CCDC170: variants seen among roughly 807,000 people sequenced by gnomAD.
The protein encoded by CCDC170 is coiled-coil domain-containing protein 170.
Under a neutral mutation model 72.6 loss-of-function variants are expected in CCDC170, and 69 were observed. That is an observed-to-expected ratio of 0.95 (90% CI 0.78 to 1.16). The LOEUF (loss-of-function observed/expected upper bound fraction) is 1.16. Among genes scored for constraint, CCDC170 ranks in the 50% most tolerant of loss-of-function variants. CCDC170 has a pLI of 0.00. For synonymous variants in CCDC170, 300 were observed against 303.9 expected, an observed-to-expected ratio of 0.99 and a Z score of 0.13; for missense variants, 852 against 832.5, an observed-to-expected ratio of 1.02 and a Z score of -0.29.
chr6:151,517,984 G>A (rs139312360), intron 1 of CCDC170, among the ~76,000 whole-genome samples: 263 of 150,842 alleles, frequency 1.7e-3, no homozygotes, highest in African/African-American at 6.1e-3. Context: ...AGCTTTGGAT[G>A]GAAATTAAAG....
At chr6:151,495,893 G>A (rs939687969) in intron 1 of CCDC170, among the ~76,000 whole-genome samples, 7 of 152,156 alleles carry the variant, frequency 4.6e-5, no homozygotes, top group Non-Finnish European at 8.8e-5. Context: ...GGGATGTTTA[G>A]CATTGTGACA....
chr6:151,601,518 C>T (rs545043943), intron 9 of CCDC170, among the ~76,000 whole-genome samples: 5 of 150,558 alleles, frequency 3.3e-5, no homozygotes, highest in Admixed American at 6.6e-5. Context: ...AAAAACAGTG[C>T]GTGTGTGTGT....
rs576552747 is a variant in CCDC170, at chr6:151,523,491, G to T, written c.58-12827G>T. The stretch of plus-strand genomic sequence containing the variant: ...ACTTGAGGCCAGGAGTTTGAGACCA[G>T]TCTGGCCAATATGGTGAAACCCCGT... On this transcript the variant is annotated intron_variant, in intron 1 of 10. Coordinates refer to ENST00000239374, the MANE Select transcript of CCDC170 (RefSeq NM_025059.4). Among the ~76,000 whole-genome samples, 3 of 152,166 alleles carry T rather than the reference G, an allele frequency of 2.0e-5. 1 individual carries two copies. The South Asian group carries it at 6.2e-4, about 32-fold the overall frequency.
intron 1 of CCDC170, among the ~76,000 whole-genome samples, chr6:151,526,714 A>T (rs9371531): frequency 0.16 from 23,591 of 151,564 alleles, 2,295 homozygotes; most frequent in East Asian, 0.49. Context: ...TATAATTCCC[A>T]TTTTAGGCCT....
intron 9 of CCDC170, among the ~76,000 whole-genome samples, chr6:151,603,561 A>T (rs1776741964): frequency 6.6e-6 from 1 of 152,232 alleles, no homozygotes; most frequent in South Asian, 2.1e-4. Context: ...AATTTATATC[A>T]TGCTAGGTGC....
chr6:151,562,061 T>C (rs1776041704), intron 5 of CCDC170, among the ~76,000 whole-genome samples: 1 of 152,222 alleles, frequency 6.6e-6, no homozygotes, highest in South Asian at 2.1e-4. Flanking sequence ...TTTTTTTCAA[T>C]TTGAGCAATT....
chr6:151,566,712 A>G (rs1447175609), intron 5 of CCDC170, among the ~76,000 whole-genome samples: 1 of 152,174 alleles, frequency 6.6e-6, no homozygotes, highest in East Asian at 1.9e-4. Flanking sequence ...TATCACTATT[A>G]TACTCATAGC....
At chr6:151,611,788 G>A (rs1028060804) in intron 9 of CCDC170, among the ~76,000 whole-genome samples, 2 of 152,112 alleles carry the variant, frequency 1.3e-5, no homozygotes, top group African/African-American at 4.8e-5. Context: ...TCTGCTCACT[G>A]CAACTTCCAC....
chr6:151,516,803 G>A (rs571288455), intron 1 of CCDC170, among the ~76,000 whole-genome samples: 2 of 152,290 alleles, frequency 1.3e-5, no homozygotes, highest in South Asian at 4.1e-4. Context: ...CTAGTGCGTG[G>A]GGAAGGCTGG....
At chr6:151,573,102 T>G (rs1205744691) in intron 5 of CCDC170, 72 bp from the exon 6 acceptor site, 16 of 1,384,508 alleles carry the variant, frequency 1.2e-5, no homozygotes, top group Non-Finnish European at 1.5e-5. Context: ...GTCAATGAAT[T>G]TGCCATAGCA....
chr6:151,513,217 A>G (rs1782172643), intron 1 of CCDC170, among the ~76,000 whole-genome samples: 3 of 152,238 alleles, frequency 2.0e-5, no homozygotes, highest in Non-Finnish European at 4.4e-5. Context: ...AAATATTAAT[A>G]TTAAATGTAG....
chr6:151,615,288 A>T (rs753827328), intron 9 of CCDC170, among the ~76,000 whole-genome samples, 155 bp from the exon 10 acceptor site: 14 of 152,254 alleles, frequency 9.2e-5, no homozygotes, highest in Non-Finnish European at 1.9e-4. Context: ...TCCAGCACAT[A>T]TGCTTAGCAA....
At chr6:151,507,316 G>GA (rs918964462) in intron 1 of CCDC170, among the ~76,000 whole-genome samples, 7 of 150,192 alleles carry the variant, frequency 4.7e-5, no homozygotes, top group Middle Eastern at 3.4e-3. Flanking sequence ...AATCAGTAGA[G>GA]AAAAAAAAAT....
At chr6:151,547,156 G>T (rs1782789390) in intron 4 of CCDC170, among the ~76,000 whole-genome samples, 1 of 152,094 alleles carries the variant, frequency 6.6e-6, no homozygotes, top group South Asian at 2.1e-4. Flanking sequence ...CATTCGCAAG[G>T]AACCATGCAT....
intron 4 of CCDC170, among the ~76,000 whole-genome samples, chr6:151,545,628 T>G (rs1782759920): frequency 6.6e-6 from 1 of 152,080 alleles, no homozygotes; most frequent in East Asian, 1.9e-4. Flanking sequence ...TTGTTTTTTT[T>G]TTTTGTTTGT....
At chr6:151,617,825 G>T in intron 10 of CCDC170, 122 bp from the exon 11 acceptor site, 1 of 806,182 alleles carries the variant, frequency 1.2e-6, no homozygotes, top group Non-Finnish European at 1.9e-6. Flanking sequence ...GAAGAGAGTA[G>T]ATAATTTCCC....
chr6:151,600,784 G>T (rs1032125919), intron 9 of CCDC170, among the ~76,000 whole-genome samples: 1 of 151,936 alleles, frequency 6.6e-6, no homozygotes, highest in Non-Finnish European at 1.5e-5. Context: ...TAATTGAATG[G>T]TTTTTAGTAT....
Position 151,621,074 on chromosome 6 carries a change from A to G in CCDC170, c.*2927A>G, listed in dbSNP as rs893384683. On this transcript the variant is annotated 3_prime_UTR_variant, in exon 11 of 11. Coordinates refer to ENST00000239374, the MANE Select transcript of CCDC170 (RefSeq NM_025059.4). The stretch of plus-strand genomic sequence containing the variant: ...TTTAGGGACTTCTAATGAAAAGGGT[A>G]TATGAAATGGGAACAATAAATTCTG... 1 of 152,222 alleles carries G rather than the reference A, an allele frequency of 6.6e-6. No individual in the cohort carries two copies. The highest frequency in any genetic ancestry group is 2.4e-5 in the African/African-American group (1 of 41,462). 9.4% of individuals were successfully genotyped at this position (152,222 alleles called of 1,614,324 possible). A position where few individuals can be genotyped will look rare whatever the true frequency, so the allele number is the denominator to read the frequency against.
chr6:151,527,916 A>C (rs764535522), intron 1 of CCDC170, among the ~76,000 whole-genome samples: 4 of 152,174 alleles, frequency 2.6e-5, no homozygotes, highest in Admixed American at 2.6e-4. Context: ...TCCGTGGGAT[A>C]ATAAGACAAC....
Sources: gnomAD v4.1 joint callset for allele counts (sites outside exome capture counted in the v4.1 genomes callset) on GRCh38, gnomAD v4.1.1 for gene constraint, MANE v1.5 for transcripts, NCBI Gene and HGNC (gene_info 2026-07-23, HGNC 2026-07-21) for gene names.